Variants in CRIPT observed in about 807,000 individuals in gnomAD.
CRIPT encodes the protein CXXC repeat containing interactor of PDZ3 domain.
In CRIPT, 20 loss-of-function variants were observed where a neutral mutation model predicts 16.6. That is an observed-to-expected ratio of 1.20 (90% CI 0.85 to 1.75). CRIPT has a LOEUF of 1.75. CRIPT is among the 40% of genes most tolerant of loss of function. The pLI, the probability that CRIPT is intolerant of heterozygous loss-of-function variation, is 0.00. For synonymous variants in CRIPT, 42 were observed against 37.0 expected, an observed-to-expected ratio of 1.14 and a Z score of -0.49; for missense variants, 133 against 115.3, an observed-to-expected ratio of 1.15 and a Z score of -0.70.
chr2:46,617,360 G>T lies in CRIPT; in HGVS notation c.16+62G>T, dbSNP rs1670686599. On this transcript the variant is annotated intron_variant, in intron 1 of 4. Transcript: ENST00000238892. ...TGGGAGAACCTAACTGAGCTCTCCC[G>T]GGAACTTTGCTTTCTCGTTGTTTTT... 5 of 1,521,544 alleles carry T rather than the reference G, an allele frequency of 3.3e-6. No individual in the cohort carries two copies. The South Asian group carries it at 3.7e-5, about 11-fold the overall frequency. The allele number at this position is 1,521,544 out of a possible 1,614,324, so 94.3% of individuals were successfully genotyped here.
intron 3 of CRIPT, 76 bp downstream of exon 3, chr2:46,619,757 G>A (rs930103066): frequency 5.4e-6 from 6 of 1,118,868 alleles, no homozygotes; most frequent in Non-Finnish European, 8.0e-6. Context: ...TGAATTTGAT[G>A]TGCATCATTC....
At chr2:46,619,287 TG>T in intron 2 of CRIPT, among the ~76,000 whole-genome samples, 1 of 152,182 alleles carries the variant, frequency 6.6e-6, no homozygotes, top group Admixed American at 6.5e-5. Flanking sequence ...TAGTAAAGTA[TG>T]TTTTCAATGG....
In CRIPT at chr2:46,627,875, CTG is replaced by C. The variant is rs575371016; in HGVS notation, c.*3650_*3651del. Among the ~76,000 whole-genome samples the C allele has an allele frequency of 9.8e-5, 15 of 152,292 alleles. No individual in the cohort carries two copies. In the South Asian group the frequency reaches 3.1e-3, roughly 32 times the overall value. ...TTTATTGAATTAGGGAATCCTTTCT[CTG>C]TTGCTTATTTTTGTTAACTTTGTCA... On this transcript the variant is annotated 3_prime_UTR_variant, in exon 5 of 5. Coordinates refer to ENST00000238892, the MANE Select transcript of CRIPT (RefSeq NM_014171.6).
intron 3 of CRIPT, among the ~76,000 whole-genome samples, chr2:46,620,140 A>G (rs1055977332): frequency 2.0e-5 from 3 of 152,186 alleles, no homozygotes; most frequent in African/African-American, 7.2e-5. Flanking sequence ...TTGATACCAC[A>G]CTTTATTATA....
Position 46,617,429 on chromosome 2 carries a change from C to G in CRIPT, c.16+131C>G, listed in dbSNP as rs1026473372. On this transcript the variant is annotated intron_variant, in intron 1 of 4. Transcript: ENST00000238892. Reference sequence around the variant, plus strand: ...AGATTCTATCCGCTGTCTTTCTACCCTACCCTTTGACCATTTTTGCACCTC... The same window carrying G: ...AGATTCTATCCGCTGTCTTTCTACCGTACCCTTTGACCATTTTTGCACCTC... 3 of 1,066,072 alleles carry G rather than the reference C, an allele frequency of 2.8e-6. No individual in the cohort carries two copies. The South Asian group carries it at 4.8e-5, about 17-fold the overall frequency. 66.0% of individuals were successfully genotyped at this position (1,066,072 alleles called of 1,614,324 possible).
chr2:46,622,503 T>C (rs948288121), intron 3 of CRIPT, among the ~76,000 whole-genome samples: 1 of 151,906 alleles, frequency 6.6e-6, no homozygotes, highest in Non-Finnish European at 1.5e-5. Context: ...AGAGTACCTA[T>C]CTTTTGTGGG....
chr2:46,623,991 C>T (rs1670873791), intron 4 of CRIPT, 124 bp downstream of exon 4: 2 of 556,746 alleles, frequency 3.6e-6, no homozygotes, highest in Non-Finnish European at 5.7e-6. Context: ...TATCCTAAGG[C>T]AAAATAGAAC....
chr2:46,627,585 C>T lies in CRIPT; in HGVS notation c.*3358C>T, dbSNP rs1207698229. On this transcript the variant is annotated 3_prime_UTR_variant, in exon 5 of 5. Transcript: ENST00000238892. Reference sequence around the variant, plus strand: ...CAGCCTCCCAACCTAACTGGGATTACAGGCACATGCCACCACGCCTGGCTA... The same window carrying T: ...CAGCCTCCCAACCTAACTGGGATTATAGGCACATGCCACCACGCCTGGCTA... Among the ~76,000 whole-genome samples the T allele has an allele frequency of 1.3e-5, 2 of 151,948 alleles. No homozygotes were observed. The highest frequency in any genetic ancestry group is 2.9e-5 in the Non-Finnish European group (2 of 67,984).
intron 3 of CRIPT, among the ~76,000 whole-genome samples, chr2:46,622,026 A>AT (rs1670816050): frequency 6.6e-6 from 1 of 152,186 alleles, no homozygotes; most frequent in Non-Finnish European, 1.5e-5. Context: ...TGGTACTGTT[A>AT]TTTATAAGAT....
intron 3 of CRIPT, among the ~76,000 whole-genome samples, chr2:46,621,441 C>T (rs1670802334): frequency 6.6e-6 from 1 of 152,212 alleles, no homozygotes; most frequent in Non-Finnish European, 1.5e-5. Flanking sequence ...AGAGAAGTTT[C>T]CCTAATCAGC....
chr2:46,629,666 T>TA lies in CRIPT; in HGVS notation c.*5440dup, dbSNP rs902480180. The stretch of plus-strand genomic sequence containing the variant: ...GTGAGGGTTGAAATGCTGTAAGTGA[T>TA]ATGTATTGCAGGTATACATCCAGAT... On this transcript the variant is annotated 3_prime_UTR_variant, in exon 5 of 5. Transcript: ENST00000238892. 1.3e-4 allele frequency among the ~76,000 whole-genome samples: 20 copies of TA among 152,244 alleles called. No homozygotes were observed. The highest frequency in any genetic ancestry group is 2.5e-4 in the Non-Finnish European group (17 of 68,036).
chr2:46,626,517 T>G lies in CRIPT; in HGVS notation c.*2290T>G, dbSNP rs755137068. On this transcript the variant is annotated 3_prime_UTR_variant, in exon 5 of 5. Coordinates refer to ENST00000238892, the MANE Select transcript of CRIPT (RefSeq NM_014171.6). ...CTTCTTTGAGAAATCTCCAAACTGCTTTCACAGTGGCTGAACTAATTTGCA... is the reference window on the plus strand; with the variant it reads ...CTTCTTTGAGAAATCTCCAAACTGCGTTCACAGTGGCTGAACTAATTTGCA... Among the ~76,000 whole-genome samples the G allele has an allele frequency of 1.2e-4, 19 of 152,232 alleles. No individual in the cohort carries two copies. The highest frequency in any genetic ancestry group is 2.6e-4 in the Non-Finnish European group (18 of 68,044).
At chr2:46,623,920 C>A in intron 4 of CRIPT, 53 bp downstream of exon 4, 1 of 1,285,856 alleles carries the variant, frequency 7.8e-7, no homozygotes, top group Non-Finnish European at 1.1e-6. Context: ...TCATTTGCTG[C>A]TAATTTGGTT....
In CRIPT at chr2:46,627,505, A is replaced by G. The variant is rs896419169; in HGVS notation, c.*3278A>G. ...GTTGCCCAGGCTGGAGTACAGTGGTACAATCTTGGCTCACCACAACCTCCA... is the reference window on the plus strand; with the variant it reads ...GTTGCCCAGGCTGGAGTACAGTGGTGCAATCTTGGCTCACCACAACCTCCA... On this transcript the variant is annotated 3_prime_UTR_variant, in exon 5 of 5. Coordinates refer to ENST00000238892, the MANE Select transcript of CRIPT (RefSeq NM_014171.6). Among the ~76,000 whole-genome samples, 50 of 151,098 alleles carry G rather than the reference A, an allele frequency of 3.3e-4. No individual in the cohort carries two copies. The highest frequency in any genetic ancestry group is 1.2e-3 in the African/African-American group (49 of 41,058).
intron 3 of CRIPT, among the ~76,000 whole-genome samples, chr2:46,623,412 A>G (rs146339434): frequency 8.6e-4 from 131 of 152,318 alleles, no homozygotes; most frequent in African/African-American, 2.9e-3. Context: ...TCATCCTAAA[A>G]TAGTCACTTA....
chr2:46,623,821 G>T lies in CRIPT; in HGVS notation c.195G>T (p.Val65=). ...FSTCRICKSS[V]HQPGSHYCQG... ...CTTGTAGAATTTGTAAAAGTTCTGT[G>T]CACCAACCAGGTTCTCATTACTGCC... The change falls in exon 4 of 5, where the codon GTG becomes GTT. Residue 65 remains valine (V), a synonymous_variant. Transcript: ENST00000238892. 2 of 1,610,824 alleles carry T rather than the reference G, an allele frequency of 1.2e-6. No homozygotes were observed. The highest frequency in any genetic ancestry group is 4.5e-5 in the East Asian group (2 of 44,644).
rs568438882 is a variant in CRIPT at position 46,626,472 on chromosome 2, A to C, written c.*2245A>C. Among the ~76,000 whole-genome samples the C allele has an allele frequency of 6.6e-6, 1 of 152,328 alleles. No homozygotes were observed. Among genetic ancestry groups the C allele is most frequent in the East Asian group, 1.9e-4 (1 of 5,184 alleles). On this transcript the variant is annotated 3_prime_UTR_variant, in exon 5 of 5. Coordinates refer to ENST00000238892, the MANE Select transcript of CRIPT (RefSeq NM_014171.6). ...TATCCAGTCATGGGATTGCTGGTTC[A>C]AATGGTAGTTCTGTTTTAACTTCTT...
In CRIPT at chr2:46,617,279, A is replaced by G. The variant is rs1572792779; in HGVS notation, c.-4A>G. On this transcript the variant is annotated 5_prime_UTR_variant, in exon 1 of 5. Coordinates refer to ENST00000238892, the MANE Select transcript of CRIPT (RefSeq NM_014171.6). ...TGCGGCTAGGGGAACCGTCGTGGGG[A>G]AGGATGGTGTGCGAAAAATGTGAGT... 6.4e-7 allele frequency: 1 copy of G among 1,554,410 alleles called. No homozygotes were observed. Among genetic ancestry groups the G allele is most frequent in the East Asian group, 2.4e-5 (1 of 41,852 alleles).
At chr2:46,620,311 G>A (rs1341947179) in intron 3 of CRIPT, among the ~76,000 whole-genome samples, 4 of 152,094 alleles carry the variant, frequency 2.6e-5, no homozygotes, top group Non-Finnish European at 5.9e-5. Flanking sequence ...ACTGGGTGTG[G>A]CAGCACGCGC....
Sources: allele counts gnomAD v4.1 joint callset (sites outside exome capture counted in the v4.1 genomes callset), GRCh38; gene constraint gnomAD v4.1.1; transcripts MANE v1.5; gene names NCBI Gene and HGNC (gene_info 2026-07-23, HGNC 2026-07-21).